The following COLGALT2 variants were observed in gnomAD, a reference collection of about 807,000 sequenced individuals.
COLGALT2 encodes the protein procollagen galactosyltransferase 2.
A neutral mutation model predicts 73.4 loss-of-function variants in COLGALT2; 49 were observed. That is an observed-to-expected ratio of 0.67 (90% CI 0.53 to 0.85). COLGALT2 has a LOEUF of 0.85. Among genes scored for constraint, COLGALT2 ranks in the 40% least tolerant of loss-of-function variants. The pLI is 0.00. For synonymous variants in COLGALT2, 295 were observed against 307.6 expected (o/e 0.96, Z 0.43); for missense variants, 722 against 790.2 (o/e 0.91, Z 1.03).
rs57044221 is a variant in COLGALT2, at chr1:184,023,646, G to T, written c.263+13449C>A. Reference sequence around the variant, plus strand: ...CTTTTTCCAAAAGTGCGTGAGGTGGGGGGGGGGGGCGGTGCCGGAAGCATT... The same window carrying T: ...CTTTTTCCAAAAGTGCGTGAGGTGGTGGGGGGGGGCGGTGCCGGAAGCATT... On this transcript the variant is annotated intron_variant, in intron 1 of 11. Transcript: ENST00000361927. Among the ~76,000 whole-genome samples the T allele has an allele frequency of 9.9e-4, 72 of 72,412 alleles. 1 individual carries two copies. The South Asian group carries it at 0.019, about 20-fold the overall frequency. The allele number at this position is 72,412 out of a possible 152,430, so 47.5% of individuals were successfully genotyped here.
At chr1:183,949,354 G>A (rs776314181) in intron 8 of COLGALT2, among the ~76,000 whole-genome samples, 89 of 152,196 alleles carry the variant, frequency 5.8e-4, no homozygotes, top group Middle Eastern at 3.4e-3. Context: ...TCATCAAGAC[G>A]GTATAGTACT....
Position 183,937,628 on chromosome 1 carries a change from G to A in COLGALT2, c.*1133C>T, listed in dbSNP as rs1669992374. On this transcript the variant is annotated 3_prime_UTR_variant, in exon 12 of 12. Transcript: ENST00000361927. Reference sequence around the variant, plus strand: ...TCCACAGGCCTCCCCACAAGAGCCTGGCTGGGAAATTCAGGAGAATCAGAT... The same window carrying A: ...TCCACAGGCCTCCCCACAAGAGCCTAGCTGGGAAATTCAGGAGAATCAGAT... 1.0e-6 allele frequency: 1 copy of A among 985,254 alleles called. No homozygotes were observed. The highest frequency in any genetic ancestry group is 6.2e-5 in the Admixed American group (1 of 16,246). The allele number at this position is 985,254 out of a possible 1,614,324, so 61.0% of individuals were successfully genotyped here. A position where few individuals can be genotyped will look rare whatever the true frequency, so the allele number is the denominator to read the frequency against.
chr1:183,990,161 A>G (rs1319695364), intron 1 of COLGALT2, among the ~76,000 whole-genome samples: 1 of 152,240 alleles, frequency 6.6e-6, no homozygotes, highest in African/African-American at 2.4e-5. Flanking sequence ...TTTTTAGCTG[A>G]GTCTATGACT....
In COLGALT2 at chr1:184,037,483, G is replaced by T; in HGVS notation, c.-126C>A. 1 of 1,182,284 alleles carries T rather than the reference G, an allele frequency of 8.5e-7. No individual in the cohort carries two copies. The highest frequency in any genetic ancestry group is 4.2e-5 in the South Asian group (1 of 23,952). The allele number at this position is 1,182,284 out of a possible 1,614,324, so 73.2% of individuals were successfully genotyped here. ...GCGGCCGGGGGATGCGGCTTGCCGC[G>T]GCCGGCCGGCTCACACACTGGCCTC... On this transcript the variant is annotated 5_prime_UTR_variant, in exon 1 of 12. Transcript: ENST00000361927.
chr1:183,979,388 A>G (rs1671289453), intron 1 of COLGALT2, among the ~76,000 whole-genome samples: 1 of 152,160 alleles, frequency 6.6e-6, no homozygotes, highest in African/African-American at 2.4e-5. Flanking sequence ...AAAGAGTATT[A>G]AGATGACAAA....
chr1:183,977,006 TA>T (rs1195772887), intron 2 of COLGALT2, among the ~76,000 whole-genome samples: 3 of 152,220 alleles, frequency 2.0e-5, no homozygotes, highest in Admixed American at 2.0e-4. Context: ...CTTTTGGTGC[TA>T]AATTCATGGA....
At chr1:183,931,829 G>C (rs1055956694), downstream of COLGALT2, among the ~76,000 whole-genome samples, 1 of 143,440 alleles carries the variant, frequency 7.0e-6, no homozygotes, top group African/African-American at 2.6e-5. Context: ...AAGACTGAAT[G>C]ATTTAAGCTG....
intron 1 of COLGALT2, among the ~76,000 whole-genome samples, chr1:183,999,045 T>C (rs2102836883): frequency 6.6e-6 from 1 of 152,254 alleles, no homozygotes; most frequent in East Asian, 1.9e-4. Flanking sequence ...TTTACTTCCT[T>C]TATTTATAGC....
chr1:184,020,287 T>C (rs150090318), intron 1 of COLGALT2, among the ~76,000 whole-genome samples: 1,917 of 152,256 alleles, frequency 0.013, 19 homozygotes, highest in Non-Finnish European at 0.02. Context: ...ACAGAGCAAA[T>C]AATATTTCAT....
chr1:183,947,651 T>C (rs1670286604), intron 8 of COLGALT2, among the ~76,000 whole-genome samples: 1 of 151,808 alleles, frequency 6.6e-6, no homozygotes, highest in South Asian at 2.1e-4. Context: ...AAATAGAATA[T>C]CTCAAATAAT....
chr1:183,939,825 A>T (rs1670060028), intron 11 of COLGALT2, among the ~76,000 whole-genome samples: 1 of 152,184 alleles, frequency 6.6e-6, no homozygotes, highest in African/African-American at 2.4e-5. Context: ...TCCATCAATG[A>T]ATTTAGGAAT....
Position 183,987,894 on chromosome 1 carries a change from A to G in COLGALT2, c.264-9374T>C, listed in dbSNP as rs138107526. Among the ~76,000 whole-genome samples, 399 of 152,318 alleles carry G rather than the reference A, an allele frequency of 2.6e-3. 2 individuals carry two copies. The highest frequency in any genetic ancestry group is 9.0e-3 in the African/African-American group (373 of 41,556). On this transcript the variant is annotated intron_variant, in intron 1 of 11. Transcript: ENST00000361927. ...GAAGCTGGCTATCTACTTTTTAGAG[A>G]TAAAAGTCTATTTATAACCTGTACA...
intron 1 of COLGALT2, among the ~76,000 whole-genome samples, chr1:184,025,704 T>C (rs1649311640): frequency 6.6e-6 from 1 of 152,212 alleles, no homozygotes. Flanking sequence ...ATCAAGCACG[T>C]GCCTTCCCAA....
intron 1 of COLGALT2, among the ~76,000 whole-genome samples, chr1:184,007,813 T>G (rs746764541): frequency 6.6e-6 from 1 of 152,214 alleles, no homozygotes; most frequent in Non-Finnish European, 1.5e-5. Flanking sequence ...CTACTGTTTT[T>G]CTTTAATCTT....
At chr1:183,951,552 A>C (rs1670402573) in intron 7 of COLGALT2, among the ~76,000 whole-genome samples, 1 of 152,228 alleles carries the variant, frequency 6.6e-6, no homozygotes, top group South Asian at 2.1e-4. Context: ...TATATATGCT[A>C]ACAACAATCT....
At chr1:184,002,797 T>A (rs1671966816) in intron 1 of COLGALT2, among the ~76,000 whole-genome samples, 1 of 152,212 alleles carries the variant, frequency 6.6e-6, no homozygotes, top group Admixed American at 6.5e-5. Context: ...ATAATCTTGA[T>A]GCAAAAGACT....
At chr1:183,935,654 G>A (rs1332408679), downstream of COLGALT2, among the ~76,000 whole-genome samples, 1 of 152,094 alleles carries the variant, frequency 6.6e-6, no homozygotes, top group African/African-American at 2.4e-5. Context: ...GTACCCATCA[G>A]TTTAAAACAA....
chr1:183,964,113 G>A (rs745375187), intron 5 of COLGALT2, 93 bp from the exon 6 acceptor site: 1 of 1,379,652 alleles, frequency 7.2e-7, no homozygotes, highest in Admixed American at 2.1e-5. Context: ...GTCTGATGCT[G>A]AGTTTGACAC....
intron 1 of COLGALT2, among the ~76,000 whole-genome samples, chr1:184,011,696 G>A (rs1053901179): frequency 1.4e-4 from 22 of 152,172 alleles, no homozygotes; most frequent in African/African-American, 4.8e-4. Context: ...ATGTCATTGC[G>A]TAGTTATAGT....
Sources: gnomAD v4.1 joint callset for allele counts (sites outside exome capture counted in the v4.1 genomes callset) on GRCh38, gnomAD v4.1.1 for gene constraint, MANE v1.5 for transcripts, NCBI Gene and HGNC (gene_info 2026-07-23, HGNC 2026-07-21) for gene names.